Variants in CFAP299 observed in about 807,000 individuals in gnomAD.
CFAP299 encodes cilia and flagella associated protein 299.
Under a neutral mutation model 27.0 loss-of-function variants are expected in CFAP299, and 21 were observed. That is an observed-to-expected ratio of 0.78 (90% CI 0.55 to 1.12). The LOEUF (loss-of-function observed/expected upper bound fraction) is 1.12, where lower values mean the gene tolerates loss of function less well. Among genes scored for constraint, CFAP299 ranks in the 50% most tolerant of loss-of-function variants. The pLI is 0.00. For synonymous variants in CFAP299, 104 were observed against 98.1 expected, an observed-to-expected ratio of 1.06 and a Z score of -0.36; for missense variants, 310 against 276.6, an observed-to-expected ratio of 1.12 and a Z score of -0.86.
intron 3 of CFAP299, among the ~76,000 whole-genome samples, chr4:80,713,211 G>A (rs1722275599): frequency 1.3e-5 from 2 of 152,100 alleles, no homozygotes; most frequent in Non-Finnish European, 2.9e-5. Flanking sequence ...GGATCTTAAA[G>A]TAAAAAGAGG....
rs180933766 is a variant in CFAP299, at chr4:80,845,807, T to G, written c.334-24186T>G. 2.0e-4 allele frequency among the ~76,000 whole-genome samples: 30 copies of G among 152,240 alleles called. 1 individual carries two copies. In the East Asian group the frequency reaches 5.8e-3, roughly 29 times the overall value. ...TGTGATTATAAAATAGAAATAGAAA[T>G]ATCTAGTATATCAGAAATGCAAATA... is the stretch of plus-strand genomic sequence containing the variant. On this transcript the variant is annotated intron_variant, in intron 3 of 5. Coordinates refer to ENST00000358105, the MANE Select transcript of CFAP299 (RefSeq NM_152770.3).
At chr4:80,739,362 A>G (rs978897897) in intron 3 of CFAP299, among the ~76,000 whole-genome samples, 5 of 152,088 alleles carry the variant, frequency 3.3e-5, no homozygotes, top group Non-Finnish European at 7.4e-5. Flanking sequence ...TATTGATGAA[A>G]TCCCTCAGCT....
intron 3 of CFAP299, among the ~76,000 whole-genome samples, chr4:80,802,003 G>A (rs555160066): frequency 1.2e-4 from 18 of 152,182 alleles, no homozygotes; most frequent in Middle Eastern, 3.4e-3. Context: ...GCCATTTTCT[G>A]TTGAAGCAGG....
chr4:80,937,008 T>C (rs1736921823), intron 4 of CFAP299, among the ~76,000 whole-genome samples: 1 of 152,046 alleles, frequency 6.6e-6, no homozygotes, highest in Non-Finnish European at 1.5e-5. Flanking sequence ...TTTATTCATT[T>C]TCTGGCTGGG....
chr4:80,913,603 G>A (rs1050972411), intron 4 of CFAP299, among the ~76,000 whole-genome samples: 5 of 152,284 alleles, frequency 3.3e-5, no homozygotes, highest in Middle Eastern at 3.4e-3. Flanking sequence ...GAGGCTTCGC[G>A]ATTTTGGCAG....
At chr4:80,468,772 T>G (rs998633554) in intron 2 of CFAP299, among the ~76,000 whole-genome samples, 2 of 147,806 alleles carry the variant, frequency 1.4e-5, no homozygotes, top group African/African-American at 5.0e-5. Flanking sequence ...GAGGCAGAGG[T>G]TGCAGTGAGC....
At chr4:80,611,420 ATGATTTAAC>A (rs1468546780) in intron 3 of CFAP299, among the ~76,000 whole-genome samples, 2 of 152,078 alleles carry the variant, frequency 1.3e-5, no homozygotes, top group African/African-American at 4.8e-5. Flanking sequence ...ATTTGACAGA[ATGATTTAAC>A]TGTATACACA....
At chr4:80,378,089 T>C (rs4306949) in intron 2 of CFAP299, among the ~76,000 whole-genome samples, 13 of 152,108 alleles carry the variant, frequency 8.5e-5, no homozygotes, top group African/African-American at 3.1e-4. Flanking sequence ...GAGATACAAT[T>C]AAAGTTGAGA....
intron 3 of CFAP299, among the ~76,000 whole-genome samples, chr4:80,753,532 C>T (rs542365402): frequency 6.6e-6 from 1 of 152,142 alleles, no homozygotes; most frequent in Admixed American, 6.6e-5. Context: ...TAGTGTCTGA[C>T]ATTAATTTTG....
At chr4:80,559,733 A>G (rs1324003842) in intron 2 of CFAP299, among the ~76,000 whole-genome samples, 1 of 152,254 alleles carries the variant, frequency 6.6e-6, no homozygotes, top group East Asian at 1.9e-4. Context: ...TAAAAAGGAA[A>G]CCAGACCAAA....
chr4:80,920,921 C>T (rs1254120644), intron 4 of CFAP299, among the ~76,000 whole-genome samples: 3 of 152,166 alleles, frequency 2.0e-5, no homozygotes, highest in African/African-American at 7.2e-5. Flanking sequence ...CAACACAGTA[C>T]TTGTGAAAAG....
At chr4:80,469,273 T>C (rs1729866330) in intron 2 of CFAP299, among the ~76,000 whole-genome samples, 1 of 152,210 alleles carries the variant, frequency 6.6e-6, no homozygotes, top group Non-Finnish European at 1.5e-5. Flanking sequence ...TCAACAACCA[T>C]TGTTCTGGGC....
At chr4:80,913,454 T>C (rs1277587202) in intron 4 of CFAP299, among the ~76,000 whole-genome samples, 1 of 152,212 alleles carries the variant, frequency 6.6e-6, no homozygotes, top group Non-Finnish European at 1.5e-5. Flanking sequence ...CACACTTCAT[T>C]GCAGCTAGGA....
At chr4:80,853,374 C>G (rs1256492630) in intron 3 of CFAP299, among the ~76,000 whole-genome samples, 2 of 152,078 alleles carry the variant, frequency 1.3e-5, no homozygotes, top group Non-Finnish European at 2.9e-5. Context: ...GAAATAAGTA[C>G]CAAGATAGAT....
chr4:80,704,365 G>A (rs924969151), intron 3 of CFAP299, among the ~76,000 whole-genome samples: 6 of 151,464 alleles, frequency 4.0e-5, no homozygotes, highest in African/African-American at 1.5e-4. Context: ...GGTTGGAGGT[G>A]GTCACTTAAG....
intron 3 of CFAP299, among the ~76,000 whole-genome samples, chr4:80,646,532 G>C (rs1740019692): frequency 6.6e-6 from 1 of 152,088 alleles, no homozygotes; most frequent in African/African-American, 2.4e-5. Context: ...TAATTCTCTT[G>C]TATAAGCCAG....
In CFAP299 at chr4:80,757,544, A is replaced by G. The variant is rs149461368; in HGVS notation, c.334-112449A>G. Among the ~76,000 whole-genome samples, 90 of 152,294 alleles carry G rather than the reference A, an allele frequency of 5.9e-4. 1 individual carries two copies. The East Asian group carries it at 0.016, about 27-fold the overall frequency. ...CTTTTATAGTCTTACTAATGTCAAGACAATCTTTCTATCCTGAAGCCTTCT... is the reference window on the plus strand; with the variant it reads ...CTTTTATAGTCTTACTAATGTCAAGGCAATCTTTCTATCCTGAAGCCTTCT... On this transcript the variant is annotated intron_variant, in intron 3 of 5. Coordinates refer to ENST00000358105, the MANE Select transcript of CFAP299 (RefSeq NM_152770.3).
chr4:80,385,310 A>T (rs1724910292), intron 2 of CFAP299, among the ~76,000 whole-genome samples: 1 of 152,152 alleles, frequency 6.6e-6, no homozygotes, highest in South Asian at 2.1e-4. Context: ...TCGTCCACAT[A>T]CAACTACTCC....
At chr4:80,520,575 A>C (rs1036463164) in intron 2 of CFAP299, among the ~76,000 whole-genome samples, 34 of 152,272 alleles carry the variant, frequency 2.2e-4, no homozygotes, top group African/African-American at 8.2e-4. Flanking sequence ...AGCTTCACCA[A>C]ATCATGTCCC....
Sources: gnomAD v4.1 joint callset for allele counts (sites outside exome capture counted in the v4.1 genomes callset) on GRCh38, gnomAD v4.1.1 for gene constraint, MANE v1.5 for transcripts, NCBI Gene and HGNC (gene_info 2026-07-23, HGNC 2026-07-21) for gene names.